The following ZNF343 variants were observed in gnomAD, a reference collection of about 807,000 sequenced individuals.
The protein encoded by ZNF343 is zinc finger protein 343.
In ZNF343, 11 loss-of-function variants were observed where a neutral mutation model predicts 13.8. The observed-to-expected ratio is 0.80, with a 90% CI of 0.50 to 1.32. ZNF343 has a LOEUF of 1.32. Ranked by LOEUF, ZNF343 falls within the 40% of genes most tolerant of loss-of-function variation. ZNF343 has a pLI of 0.00. For missense variants in ZNF343, 658 were observed against 714.2 expected (o/e 0.92, Z 0.90); for synonymous variants, 248 against 260.0 (o/e 0.95, Z 0.44).
chr20:2,516,610 A>C (rs1476794380), intron 1 of ZNF343, among the ~76,000 whole-genome samples: 1 of 152,004 alleles, frequency 6.6e-6, no homozygotes. Context: ...AGTGATGATG[A>C]GGGTCTGGTT....
chr20:2,495,768 C>T (rs1042653780), intron 2 of ZNF343, among the ~76,000 whole-genome samples: 3 of 151,654 alleles, frequency 2.0e-5, no homozygotes, highest in African/African-American at 7.3e-5. Context: ...GCAACCTCTG[C>T]CTCCCAGGTT....
intron 5 of ZNF343, among the ~76,000 whole-genome samples, chr20:2,491,214 C>A (rs1367996792): frequency 1.3e-5 from 2 of 152,068 alleles, no homozygotes; most frequent in Admixed American, 1.3e-4. Flanking sequence ...TGAAACATGG[C>A]TAATCTGAAC....
intron 3 of ZNF343, 86 bp downstream of exon 3, chr20:2,493,692 C>G: frequency 2.2e-6 from 3 of 1,382,254 alleles, no homozygotes. Flanking sequence ...AGTCACTTAA[C>G]TCAGAGGTGA....
chr20:2,510,695 G>T (rs2085733969), upstream of ZNF343, among the ~76,000 whole-genome samples: 1 of 152,172 alleles, frequency 6.6e-6, no homozygotes, highest in Non-Finnish European at 1.5e-5. Flanking sequence ...AAACACCAGG[G>T]GTTGGGTCTA....
Position 2,508,202 on chromosome 20 carries a change from C to T in ZNF343, c.-237+679G>A, listed in dbSNP as rs2122734120. On this transcript the variant is annotated intron_variant, in intron 1 of 5. Transcript: ENST00000278772. The surrounding 1 kb of genome is among the most constrained non-coding windows in gnomAD (Gnocchi z 4.5). ...GAAACCTCCCTCACCTCCCTAAAAA[C>T]CCCAGGGACTCCTGACCCAAGACAC... Among the ~76,000 whole-genome samples, 1 of 152,214 alleles carries T rather than the reference C, an allele frequency of 6.6e-6. No homozygotes were observed. Among genetic ancestry groups the T allele is most frequent in the South Asian group, 2.1e-4 (1 of 4,818 alleles).
At chr20:2,495,214 C>T (rs1228981287) in intron 2 of ZNF343, among the ~76,000 whole-genome samples, 1 of 152,198 alleles carries the variant, frequency 6.6e-6, no homozygotes, top group Non-Finnish European at 1.5e-5. Flanking sequence ...TGCAATTTCT[C>T]TATTTACGTG....
chr20:2,522,276 C>T (rs2085785962), intron 1 of ZNF343, among the ~76,000 whole-genome samples: 1 of 152,164 alleles, frequency 6.6e-6, no homozygotes, highest in Non-Finnish European at 1.5e-5. Context: ...TTAGATTTAT[C>T]TAAATTGGTT....
At chr20:2,487,158 AT>A (rs1174762387) in intron 5 of ZNF343, among the ~76,000 whole-genome samples, 1 of 152,282 alleles carries the variant, frequency 6.6e-6, no homozygotes, top group Non-Finnish European at 1.5e-5. Flanking sequence ...TCGTGTTATT[AT>A]TTTGGAACAC....
intron 2 of ZNF343, 84 bp from the exon 3 acceptor site, chr20:2,494,128 C>T: frequency 2.1e-6 from 1 of 472,222 alleles, no homozygotes; most frequent in Non-Finnish European, 3.8e-6. Context: ...GGATCCTGTC[C>T]TCTCACACCC....
chr20:2,501,802 C>T (rs1346627518), intron 1 of ZNF343, among the ~76,000 whole-genome samples: 4 of 152,160 alleles, frequency 2.6e-5, no homozygotes, highest in Non-Finnish European at 5.9e-5. Context: ...CACACCAAAA[C>T]CCCATCTGTA....
Position 2,484,262 on chromosome 20 carries a change from T to C in ZNF343, c.699A>G (p.Leu233=). ...TGATTGCTCCAAATCTCAAGGTTTC[T>C]AATTCCTTCAAGCCTTTGTCTAGCT... is the stretch of plus-strand genomic sequence containing the variant. The part of the protein sequence containing the change: ...PVQLDKGLKE[L]ETLRFGAINC... Residue 233 remains leucine, a synonymous_variant, in exon 6 of 6, where the codon TTA becomes TTG. Coordinates refer to ENST00000278772, the MANE Select transcript of ZNF343 (RefSeq NM_024325.6). 1 of 1,614,262 alleles carries C rather than the reference T, an allele frequency of 6.2e-7. No individual in the cohort carries two copies. The highest frequency in any genetic ancestry group is 1.1e-5 in the South Asian group (1 of 91,092).
chr20:2,502,719 G>A lies in ZNF343; in HGVS notation c.-236-1977C>T, dbSNP rs369478784. On this transcript the variant is annotated intron_variant, in intron 1 of 5. Coordinates refer to ENST00000278772, the MANE Select transcript of ZNF343 (RefSeq NM_024325.6). The stretch of plus-strand genomic sequence containing the variant: ...TTCATATCCAGCCAAACTAAGCTTC[G>A]TAAGTGAAGGAGAAATAAAATAATT... Among the ~76,000 whole-genome samples, 18 of 152,070 alleles carry A rather than the reference G, an allele frequency of 1.2e-4. 1 individual carries two copies. The highest frequency in any genetic ancestry group is 6.6e-4 in the Admixed American group (10 of 15,252).
At chr20:2,493,458 TC>T in intron 4 of ZNF343, 60 bp downstream of exon 4, 1 of 1,447,376 alleles carries the variant, frequency 6.9e-7, no homozygotes, top group South Asian at 1.1e-5. Flanking sequence ...AGAATATATG[TC>T]TATTCTCTGG....
intron 1 of ZNF343, among the ~76,000 whole-genome samples, chr20:2,521,417 G>A (rs560719665): frequency 2.6e-5 from 4 of 152,172 alleles, no homozygotes; most frequent in Non-Finnish European, 5.9e-5. Flanking sequence ...TTATATTCTG[G>A]AGACAGAAGT....
intron 5 of ZNF343, among the ~76,000 whole-genome samples, chr20:2,488,944 T>C (rs1030133903): frequency 1.3e-5 from 2 of 152,200 alleles, no homozygotes; most frequent in South Asian, 2.1e-4. Context: ...ACTAGGAAGG[T>C]TGAGGTGGGA....
At position 2,518,729 on chromosome 20, in the gene ZNF343, C is replaced by G. The variant is rs2085770481; in HGVS notation, c.-347+5726G>C. On this transcript the variant is annotated intron_variant, in intron 1 of 6. Coordinates refer to the ZNF343 transcript ENST00000358413. This position sits in a 1 kb window ranked among gnomAD's most constrained non-coding sequence, Gnocchi z 4.6. ...TGACAATCACCCACACACCACCTAC[C>G]TCTCCCCTGTAAACCATTCAGTGCC... is the stretch of plus-strand genomic sequence containing the variant. 6.6e-6 allele frequency among the ~76,000 whole-genome samples: 1 copy of G among 152,210 alleles called. No homozygotes were observed. Among genetic ancestry groups the G allele is most frequent in the South Asian group, 2.1e-4 (1 of 4,832 alleles).
chr20:2,489,564 C>T (rs2085333949), intron 5 of ZNF343, among the ~76,000 whole-genome samples: 1 of 152,168 alleles, frequency 6.6e-6, no homozygotes, highest in South Asian at 2.1e-4. Flanking sequence ...TGCTCTTTTT[C>T]CCTCTACCTT....
rs1327361974 is a variant in ZNF343 at position 2,518,512 on chromosome 20, A to G, written c.-347+5943T>C. ...AATCTTTTGTACTCCAAAGTACTCCAAAATACACAATAGTACTCACAAGTG... is the reference window on the plus strand; with the variant it reads ...AATCTTTTGTACTCCAAAGTACTCCGAAATACACAATAGTACTCACAAGTG... On this transcript the variant is annotated intron_variant, in intron 1 of 6. Transcript: ENST00000358413. This position sits in a 1 kb window ranked among gnomAD's most constrained non-coding sequence, Gnocchi z 4.6. Among the ~76,000 whole-genome samples the G allele has an allele frequency of 2.0e-5, 3 of 152,220 alleles. No homozygotes were observed. The highest frequency in any genetic ancestry group is 4.4e-5 in the Non-Finnish European group (3 of 68,036).
In ZNF343 at chr20:2,484,196, G is replaced by GT; in HGVS notation, c.764dup (p.Asn255LysfsTer19). 6.2e-7 allele frequency: 1 copy of GT among 1,614,214 alleles called. No individual in the cohort carries two copies. The highest frequency in any genetic ancestry group is 8.5e-7 in the Non-Finnish European group (1 of 1,180,046). On this transcript the variant is annotated frameshift_variant, in exon 6 of 6. Coordinates refer to ENST00000278772, the MANE Select transcript of ZNF343 (RefSeq NM_024325.6). LOFTEE classifies it low-confidence loss of function (END_TRUNC). The stretch of plus-strand genomic sequence containing the variant: ...AGAGGGTCCTCGGGTTTGTAATAAA[G>GT]TTTGATTCCAGGTTATGGTCCGGTT...
Sources: allele counts gnomAD v4.1 joint callset (sites outside exome capture counted in the v4.1 genomes callset), GRCh38; gene constraint gnomAD v4.1.1; non-coding constraint Gnocchi (gnomAD v3.1); transcripts MANE v1.5; gene names NCBI Gene and HGNC (gene_info 2026-07-23, HGNC 2026-07-21).